The following CLIC6 variants were observed in gnomAD, a reference collection of about 807,000 sequenced individuals.
The protein encoded by CLIC6 is CLIC family member 6.
In CLIC6, 39 loss-of-function variants were observed where a neutral mutation model predicts 49.2. The ratio of observed to expected loss-of-function variants is 0.79; its 90% CI spans 0.61 to 1.04. The LOEUF (loss-of-function observed/expected upper bound fraction) is 1.04. CLIC6 is among the 50% of genes least tolerant of loss of function. The probability of loss-of-function intolerance (pLI) is 0.00; values close to 1 mark genes in which losing one functional copy is unlikely to be tolerated. For missense variants in CLIC6, 988 were observed against 993.1 expected (o/e 0.99, Z 0.07); for synonymous variants, 446 against 433.4 (o/e 1.03, Z -0.36).
Position 34,669,921 on chromosome 21 carries a change from A to G in CLIC6, c.533A>G (p.Asp178Gly), listed in dbSNP as rs750756040. 7 of 1,312,788 alleles carry G rather than the reference A, an allele frequency of 5.3e-6. No individual in the cohort carries two copies. Among genetic ancestry groups the G allele is most frequent in the Non-Finnish European group, 6.8e-6 (7 of 1,029,864 alleles). 81.3% of individuals were successfully genotyped at this position (1,312,788 alleles called of 1,614,324 possible). A position where few individuals can be genotyped will look rare whatever the true frequency, so the allele number is the denominator to read the frequency against. The change falls in exon 1 of 6, where the codon GAC becomes GGC. Residue 178 changes from aspartate (D) to glycine (G), a missense_variant. By Grantham distance (94) the Asp-to-Gly change is moderately conservative. Coordinates refer to ENST00000349499, the MANE Select transcript of CLIC6 (RefSeq NM_053277.3). Reference protein sequence around the residue: ...DNIEAEGPAGDSVEAEGRVGD... With the variant: ...DNIEAEGPAGGSVEAEGRVGD... ...ATAGAAGCGGAGGGCCCGGCGGGCG[A>G]CAGCGTAGAGGCGGAGGGCCGGGTG...
intron 1 of CLIC6, among the ~76,000 whole-genome samples, chr21:34,687,450 A>T (rs1414001984): frequency 6.6e-6 from 1 of 152,246 alleles, no homozygotes; most frequent in Admixed American, 6.5e-5. Flanking sequence ...GTATCAGGCC[A>T]TATTATTAAA....
rs772543355 is a variant in CLIC6 at position 34,689,111 on chromosome 21, G to A, written c.1375-18169G>A. Among the ~76,000 whole-genome samples the A allele has an allele frequency of 2.0e-5, 3 of 152,194 alleles. No individual in the cohort carries two copies. The South Asian group carries it at 6.2e-4, about 31-fold the overall frequency. On this transcript the variant is annotated intron_variant, in intron 1 of 5. Coordinates refer to ENST00000349499, the MANE Select transcript of CLIC6 (RefSeq NM_053277.3). ...CTTCTTTATTCTTCCCTTGCCTGAG[G>A]AGGACCCTGCCCACACCTGCATCTT...
In CLIC6 at chr21:34,684,435, T is replaced by G. The variant is rs188960496; in HGVS notation, c.1374+13673T>G. Among the ~76,000 whole-genome samples, 657 of 152,362 alleles carry G rather than the reference T, an allele frequency of 4.3e-3. 7 individuals carry two copies. Among genetic ancestry groups the G allele is most frequent in the African/African-American group, 0.015 (613 of 41,590 alleles). ...GCCCCCTGCCATGTGCCTGTCTATT[T>G]GGAAGATGAATCAATTTATCCATCT... On this transcript the variant is annotated intron_variant, in intron 1 of 5. Transcript: ENST00000349499.
At chr21:34,680,932 C>T (rs1989766935) in intron 1 of CLIC6, among the ~76,000 whole-genome samples, 1 of 152,204 alleles carries the variant, frequency 6.6e-6, no homozygotes, top group East Asian at 1.9e-4. Context: ...CTGTCTTCTT[C>T]TGAGCCCTCC....
intron 5 of CLIC6, among the ~76,000 whole-genome samples, chr21:34,710,620 T>A (rs912541093): frequency 6.6e-6 from 1 of 152,134 alleles, no homozygotes; most frequent in Non-Finnish European, 1.5e-5. Context: ...GAGACCATCC[T>A]GGCTAACATG....
chr21:34,701,486 A>G (rs1306756161), intron 1 of CLIC6, among the ~76,000 whole-genome samples: 1 of 152,158 alleles, frequency 6.6e-6, no homozygotes, highest in Non-Finnish European at 1.5e-5. Context: ...AATGACAATA[A>G]TAGCTACCTT....
At chr21:34,672,332 G>A (rs1220089090) in intron 1 of CLIC6, among the ~76,000 whole-genome samples, 1 of 152,146 alleles carries the variant, frequency 6.6e-6, no homozygotes, top group East Asian at 1.9e-4. Flanking sequence ...GCATTGCTGG[G>A]TGTCCCCACC....
chr21:34,710,443 A>C (rs1380164167), intron 5 of CLIC6, among the ~76,000 whole-genome samples: 4 of 152,210 alleles, frequency 2.6e-5, no homozygotes, highest in Non-Finnish European at 4.4e-5. Flanking sequence ...ATGTATTATT[A>C]GGGCTTAAAG....
rs1248504353 is a variant in CLIC6 at position 34,709,229 on chromosome 21, G to A, written c.1718-128G>A. On this transcript the variant is annotated intron_variant, in intron 4 of 5. Transcript: ENST00000349499. ...TTCAGATATTCTACATCCACCTGCTGCCTTCCCAGCACCCATTGCTTGCTG... is the reference window on the plus strand; with the variant it reads ...TTCAGATATTCTACATCCACCTGCTACCTTCCCAGCACCCATTGCTTGCTG... 9 of 729,238 alleles carry A rather than the reference G, an allele frequency of 1.2e-5. No individual in the cohort carries two copies. The East Asian group carries it at 1.3e-4, about 10-fold the overall frequency. 45.2% of individuals were successfully genotyped at this position (729,238 alleles called of 1,614,324 possible).
chr21:34,708,518 C>G (rs530806104), intron 3 of CLIC6, among the ~76,000 whole-genome samples, 182 bp from the exon 4 acceptor site: 2 of 152,166 alleles, frequency 1.3e-5, no homozygotes, highest in South Asian at 4.1e-4. Flanking sequence ...CAAACCTCTC[C>G]GTCCAGTGCC....
intron 1 of CLIC6, among the ~76,000 whole-genome samples, chr21:34,698,664 G>T (rs1413581967): frequency 6.6e-6 from 1 of 152,200 alleles, no homozygotes; most frequent in Non-Finnish European, 1.5e-5. Context: ...GCACTAAGAG[G>T]TAGGTACTAT....
intron 1 of CLIC6, among the ~76,000 whole-genome samples, chr21:34,694,416 C>G (rs962195056): frequency 5.3e-5 from 8 of 152,130 alleles, no homozygotes; most frequent in African/African-American, 1.7e-4. Context: ...AAGCAATCCT[C>G]CAGTCTCAGC....
At chr21:34,678,304 T>C (rs921937607) in intron 1 of CLIC6, among the ~76,000 whole-genome samples, 1 of 146,016 alleles carries the variant, frequency 6.8e-6, no homozygotes, top group African/African-American at 2.5e-5. Flanking sequence ...CACCCGGGCG[T>C]GGTGGCGTGT....
rs967362373 is a variant in CLIC6, at chr21:34,717,180, G to A, written c.*698G>A. ...GCCACTGCCTCTGCTTCCAGGAAAG[G>A]CAAGGGGGAGGGTGCTTATCCGTGT... On this transcript the variant is annotated 3_prime_UTR_variant, in exon 6 of 6. Transcript: ENST00000349499. 5 of 152,206 alleles carry A rather than the reference G, an allele frequency of 3.3e-5. No homozygotes were observed. Among genetic ancestry groups the A allele is most frequent in the African/African-American group, 1.2e-4 (5 of 41,398 alleles). 9.4% of individuals were successfully genotyped at this position (152,206 alleles called of 1,614,324 possible). A position where few individuals can be genotyped will look rare whatever the true frequency, so the allele number is the denominator to read the frequency against.
At chr21:34,710,411 C>A (rs1454930750) in intron 5 of CLIC6, among the ~76,000 whole-genome samples, 1 of 152,212 alleles carries the variant, frequency 6.6e-6, no homozygotes, top group East Asian at 1.9e-4. Flanking sequence ...AGTAGCTGAA[C>A]ATGATTTAAG....
intron 1 of CLIC6, among the ~76,000 whole-genome samples, chr21:34,696,800 G>A (rs568130583): frequency 1.9e-4 from 29 of 152,294 alleles, no homozygotes; most frequent in South Asian, 1.2e-3. Flanking sequence ...TGGAATCTGC[G>A]ATCTTCTTAA....
At chr21:34,681,721 A>C (rs552284167) in intron 1 of CLIC6, among the ~76,000 whole-genome samples, 153 of 152,310 alleles carry the variant, frequency 1.0e-3, no homozygotes, top group Non-Finnish European at 2.0e-3. Context: ...CCAAGGAAGA[A>C]GCCATAATGC....
At position 34,670,420 on chromosome 21, in the gene CLIC6, A is replaced by C. The variant is rs1490685526; in HGVS notation, c.1032A>C (p.Glu344Asp). ...AEVPGVKGSE[E>D]AAPGDARADA... Reference sequence around the variant, plus strand: ...TCCCGGGGGTAAAGGGGTCCGAAGAAGCGGCCCCCGGGGACGCAAGGGCAG... The same window carrying C: ...TCCCGGGGGTAAAGGGGTCCGAAGACGCGGCCCCCGGGGACGCAAGGGCAG... The change falls in exon 1 of 6, where the codon GAA becomes GAC. Residue 344 changes from glutamate (E) to aspartate (D), a missense_variant. Glu to Asp is a conservative substitution (Grantham distance 45, BLOSUM62 2). Coordinates refer to ENST00000349499, the MANE Select transcript of CLIC6 (RefSeq NM_053277.3). 2.7e-6 allele frequency: 4 copies of C among 1,460,034 alleles called. No homozygotes were observed. Among genetic ancestry groups the C allele is most frequent in the Non-Finnish European group, 3.6e-6 (4 of 1,107,000 alleles). The allele number at this position is 1,460,034 out of a possible 1,614,324, so 90.4% of individuals were successfully genotyped here.
chr21:34,704,461 C>A (rs1439009441), intron 1 of CLIC6, among the ~76,000 whole-genome samples: 2 of 152,212 alleles, frequency 1.3e-5, no homozygotes, highest in Non-Finnish European at 2.9e-5. Context: ...GTTTTATTGG[C>A]AGTCACTGCT....
Sources: allele counts gnomAD v4.1 joint callset (sites outside exome capture counted in the v4.1 genomes callset), GRCh38; gene constraint gnomAD v4.1.1; transcripts MANE v1.5; gene names NCBI Gene and HGNC (gene_info 2026-07-23, HGNC 2026-07-21).